The following NKAIN2 variants were observed in gnomAD, a reference collection of about 807,000 sequenced individuals.
The protein encoded by NKAIN2 is sodium/potassium-transporting ATPase subunit beta-1-interacting protein 2.
NKAIN2 carries 14 observed loss-of-function variants against 32.6 expected under a neutral mutation model. The ratio of observed to expected loss-of-function variants is 0.43; its 90% CI spans 0.28 to 0.67. The LOEUF is 0.67. Among genes scored for constraint, NKAIN2 ranks in the 30% least tolerant of loss-of-function variants. The pLI, the probability that NKAIN2 is intolerant of heterozygous loss-of-function variation, is 0.17. For synonymous variants in NKAIN2, 80 were observed against 87.2 expected, an observed-to-expected ratio of 0.92 and a Z score of 0.46; for missense variants, 198 against 258.3, an observed-to-expected ratio of 0.77 and a Z score of 1.60.
At chr6:124,642,211 T>C (rs2114360552) in intron 3 of NKAIN2, among the ~76,000 whole-genome samples, 1 of 152,332 alleles carries the variant, frequency 6.6e-6, no homozygotes, top group Middle Eastern at 3.4e-3. Context: ...GCAGCTTTCA[T>C]TCAACCTGTT....
chr6:124,338,372 A>G (rs563793755), intron 2 of NKAIN2, among the ~76,000 whole-genome samples: 50 of 152,322 alleles, frequency 3.3e-4, no homozygotes, highest in Admixed American at 5.2e-4. Flanking sequence ...TGATAAGTGT[A>G]GAGCTGCTAC....
chr6:124,533,534 G>A (rs986790720), intron 3 of NKAIN2, among the ~76,000 whole-genome samples: 6 of 151,170 alleles, frequency 4.0e-5, no homozygotes, highest in African/African-American at 7.3e-5. Flanking sequence ...GGGAGATGAC[G>A]GGCAGGATTT....
chr6:124,379,280 A>AAGG (rs1800151610), intron 3 of NKAIN2, among the ~76,000 whole-genome samples: 1 of 77,336 alleles, frequency 1.3e-5, no homozygotes, highest in South Asian at 5.1e-4. Context: ...AAAGGAGGAG[A>AAGG]GAGGAGAGGA....
At chr6:124,423,119 G>A (rs1247388887) in intron 3 of NKAIN2, among the ~76,000 whole-genome samples, 1 of 152,132 alleles carries the variant, frequency 6.6e-6, no homozygotes, top group Non-Finnish European at 1.5e-5. Context: ...GCACACCTGT[G>A]CTCTTTCCTG....
intron 3 of NKAIN2, among the ~76,000 whole-genome samples, chr6:124,405,365 T>C (rs1256883169): frequency 1.3e-5 from 2 of 152,120 alleles, no homozygotes; most frequent in Non-Finnish European, 2.9e-5. Flanking sequence ...TGATGTACAG[T>C]TTTTGTGGGA....
chr6:124,794,201 A>T (rs1779898914), intron 5 of NKAIN2, among the ~76,000 whole-genome samples: 2 of 152,202 alleles, frequency 1.3e-5, no homozygotes, highest in African/African-American at 4.8e-5. Context: ...ATCAATTTAT[A>T]GAAATTAAAA....
At chr6:124,651,581 G>A (rs536078436) in intron 3 of NKAIN2, among the ~76,000 whole-genome samples, 2 of 152,150 alleles carry the variant, frequency 1.3e-5, no homozygotes, top group African/African-American at 4.8e-5. Flanking sequence ...GAGCCCTCAG[G>A]AACAGTGGCC....
chr6:124,186,144 G>A (rs1345924644), intron 1 of NKAIN2, among the ~76,000 whole-genome samples: 22 of 114,024 alleles, frequency 1.9e-4, no homozygotes, highest in African/African-American at 6.7e-4. Context: ...GAAAAGAAAG[G>A]AAGGAAGGAA....
intron 3 of NKAIN2, among the ~76,000 whole-genome samples, chr6:124,600,160 G>A (rs546799723): frequency 6.6e-6 from 1 of 151,990 alleles, no homozygotes; most frequent in Non-Finnish European, 1.5e-5. Flanking sequence ...CTACAGTTCC[G>A]GGTGTTGTTT....
intron 1 of NKAIN2, among the ~76,000 whole-genome samples, chr6:123,980,709 C>T (rs997158463): frequency 6.6e-6 from 1 of 151,718 alleles, no homozygotes; most frequent in Non-Finnish European, 1.5e-5. Flanking sequence ...ATGTTCAAGT[C>T]AGATGTGTTT....
At chr6:124,319,392 A>G (rs1797083140) in intron 2 of NKAIN2, among the ~76,000 whole-genome samples, 2 of 152,132 alleles carry the variant, frequency 1.3e-5, no homozygotes, top group South Asian at 4.1e-4. Context: ...ATCAGCTAAC[A>G]GATTAAGAGA....
chr6:124,414,313 A>G (rs1774362015), intron 3 of NKAIN2, among the ~76,000 whole-genome samples: 2 of 152,166 alleles, frequency 1.3e-5, no homozygotes, highest in Non-Finnish European at 2.9e-5. Flanking sequence ...TGATAATATC[A>G]TGAATTATAT....
chr6:124,486,237 C>A (rs1204987016), intron 3 of NKAIN2, among the ~76,000 whole-genome samples: 5 of 152,128 alleles, frequency 3.3e-5, no homozygotes, highest in African/African-American at 1.2e-4. Context: ...GTCTCCTCAA[C>A]AACAGAATGT....
chr6:123,981,869 T>C (rs1306799909), intron 1 of NKAIN2, among the ~76,000 whole-genome samples: 1 of 151,176 alleles, frequency 6.6e-6, no homozygotes, highest in Non-Finnish European at 1.5e-5. Context: ...AGAGGGGAGG[T>C]TGACGGGATC....
intron 1 of NKAIN2, among the ~76,000 whole-genome samples, chr6:124,144,044 A>C (rs1488217819): frequency 6.6e-6 from 1 of 152,234 alleles, no homozygotes; most frequent in Non-Finnish European, 1.5e-5. Flanking sequence ...ATTAAAATAA[A>C]TTGAAGACAA....
chr6:124,718,325 T>G (rs1167587298), intron 4 of NKAIN2, among the ~76,000 whole-genome samples: 3 of 152,208 alleles, frequency 2.0e-5, no homozygotes, highest in Admixed American at 6.5e-5. Flanking sequence ...AGTGCAATCA[T>G]ACGACATGTT....
chr6:124,229,735 C>T lies in NKAIN2; in HGVS notation c.55-53270C>T, dbSNP rs565531557. ...CTTTAAAAATGGGAGTTTCCCTGCACAGGCTCTCTTTTTGCCTGCTGCCAT... is the reference window on the plus strand; with the variant it reads ...CTTTAAAAATGGGAGTTTCCCTGCATAGGCTCTCTTTTTGCCTGCTGCCAT... On this transcript the variant is annotated intron_variant, in intron 1 of 6. Coordinates refer to ENST00000368417, the MANE Select transcript of NKAIN2 (RefSeq NM_001040214.3). Among the ~76,000 whole-genome samples, 12 of 152,220 alleles carry T rather than the reference C, an allele frequency of 7.9e-5. No homozygotes were observed. In the South Asian group the frequency reaches 2.1e-3, roughly 26 times the overall value.
At chr6:124,179,386 G>A (rs1789324975) in intron 1 of NKAIN2, among the ~76,000 whole-genome samples, 1 of 152,172 alleles carries the variant, frequency 6.6e-6, no homozygotes, top group Non-Finnish European at 1.5e-5. Flanking sequence ...GATCTCAAAT[G>A]CAATGACTTT....
rs1784404849 is a variant in NKAIN2 at position 124,091,248 on chromosome 6, CCTATGGCTATAAATTAAGAAAA to C, written c.55-191756_55-191735del. ...ATATACCACCAGACCAAAGAACTAACCTATGGCTATAAATTAAGAAAATCATTACAGCAGGCACATGAAAACA... is the reference window on the plus strand; with the variant it reads ...ATATACCACCAGACCAAAGAACTAACTCATTACAGCAGGCACATGAAAACA... On this transcript the variant is annotated intron_variant, in intron 1 of 6. Coordinates refer to ENST00000368417, the MANE Select transcript of NKAIN2 (RefSeq NM_001040214.3). Among the ~76,000 whole-genome samples the C allele has an allele frequency of 4.0e-5, 6 of 151,890 alleles. No homozygotes were observed. The South Asian group carries it at 6.2e-4, about 16-fold the overall frequency.
Sources: gnomAD v4.1 joint callset for allele counts (sites outside exome capture counted in the v4.1 genomes callset) on GRCh38, gnomAD v4.1.1 for gene constraint, MANE v1.5 for transcripts, NCBI Gene and HGNC (gene_info 2026-07-23, HGNC 2026-07-21) for gene names.